Variants in DCBLD1 observed in about 807,000 individuals in gnomAD.
DCBLD1 encodes the protein discoidin, CUB and LCCL domain containing 1.
A neutral mutation model predicts 71.5 loss-of-function variants in DCBLD1; 57 were observed. The ratio of observed to expected loss-of-function variants is 0.80; its 90% CI spans 0.64 to 0.99. The LOEUF is 0.99. Ranked by LOEUF, DCBLD1 falls within the 50% of genes least tolerant of loss-of-function variation. The pLI, the probability that DCBLD1 is intolerant of heterozygous loss-of-function variation, is 0.00. For synonymous variants in DCBLD1, 380 were observed against 363.8 expected, an observed-to-expected ratio of 1.04 and a Z score of -0.51; for missense variants, 891 against 923.5, an observed-to-expected ratio of 0.96 and a Z score of 0.46.
intron 1 of DCBLD1, among the ~76,000 whole-genome samples, chr6:117,488,375 G>A (rs954568302): frequency 2.0e-5 from 3 of 152,162 alleles, no homozygotes; most frequent in Non-Finnish European, 4.4e-5. Context: ...CGGGCAGGGC[G>A]GCTGACTCCT....
chr6:117,545,466 C>A lies in DCBLD1; in HGVS notation c.1496-12C>A. ...TGACATATTCATTTGGTTTATGTTA[C>A]CTTTATTCCAGACTGTTGGAAGCAG... is the stretch of plus-strand genomic sequence containing the variant. On this transcript the variant is annotated splice_polypyrimidine_tract_variant and intron_variant, in intron 13 of 14. Coordinates refer to ENST00000338728, the MANE Select transcript of DCBLD1 (RefSeq NM_001366458.2). The A allele has an allele frequency of 6.2e-7, 1 of 1,612,990 alleles. No homozygotes were observed. The highest frequency in any genetic ancestry group is 8.5e-7 in the Non-Finnish European group (1 of 1,179,494).
intron 14 of DCBLD1, among the ~76,000 whole-genome samples, chr6:117,546,189 C>T (rs1167626075): frequency 6.6e-6 from 1 of 152,070 alleles, no homozygotes; most frequent in African/African-American, 2.4e-5. Flanking sequence ...TTATTAGATT[C>T]AACAGACATA....
intron 14 of DCBLD1, among the ~76,000 whole-genome samples, chr6:117,568,137 C>A (rs1302072388): frequency 1.3e-5 from 2 of 151,804 alleles, no homozygotes; most frequent in Non-Finnish European, 2.9e-5. Context: ...GAGGTTGAGG[C>A]TGCAGTGGTC....
At chr6:117,513,709 A>C (rs1288733530) in intron 2 of DCBLD1, among the ~76,000 whole-genome samples, 2 of 152,226 alleles carry the variant, frequency 1.3e-5, no homozygotes, top group Non-Finnish European at 2.9e-5. Flanking sequence ...AAAACTGTGC[A>C]TCCTATTTTT....
At chr6:117,499,887 G>A (rs918037905) in intron 1 of DCBLD1, among the ~76,000 whole-genome samples, 3 of 152,130 alleles carry the variant, frequency 2.0e-5, no homozygotes, top group African/African-American at 4.8e-5. Flanking sequence ...GTGTGGTAGC[G>A]CATGCCTGTA....
chr6:117,519,815 G>T lies in DCBLD1; in HGVS notation c.326-1G>T. ...GTGCCACAAGTGTGCTTTGTTTTTAGGTCCATACTGTGGAAGTATGACTGT... is the reference window on the plus strand; with the variant it reads ...GTGCCACAAGTGTGCTTTGTTTTTATGTCCATACTGTGGAAGTATGACTGT... On this transcript the variant is annotated splice_acceptor_variant, in intron 2 of 14. Coordinates refer to ENST00000338728, the MANE Select transcript of DCBLD1 (RefSeq NM_001366458.2). LOFTEE classifies it high-confidence loss of function. 1 of 1,610,460 alleles carries T rather than the reference G, an allele frequency of 6.2e-7. No individual in the cohort carries two copies. The highest frequency in any genetic ancestry group is 8.5e-7 in the Non-Finnish European group (1 of 1,176,974).
Position 117,548,792 on chromosome 6 carries a change from T to C in DCBLD1, c.*353T>C. ...AATAATAAAAGTAACTTAAGTTTGCTCTATCAGATTTTAGTTCTGCACAGA... is the reference window on the plus strand; with the variant it reads ...AATAATAAAAGTAACTTAAGTTTGCCCTATCAGATTTTAGTTCTGCACAGA... On this transcript the variant is annotated 3_prime_UTR_variant, in exon 15 of 15. Transcript: ENST00000338728. The C allele has an allele frequency of 9.0e-7, 1 of 1,111,972 alleles. No individual in the cohort carries two copies. Among genetic ancestry groups the C allele is most frequent in the Non-Finnish European group, 1.1e-6 (1 of 909,960 alleles). The allele number at this position is 1,111,972 out of a possible 1,614,324, so 68.9% of individuals were successfully genotyped here. A position where few individuals can be genotyped will look rare whatever the true frequency, so the allele number is the denominator to read the frequency against.
At chr6:117,512,293 A>G (rs1463699527) in intron 2 of DCBLD1, among the ~76,000 whole-genome samples, 4 of 152,164 alleles carry the variant, frequency 2.6e-5, no homozygotes, top group Non-Finnish European at 5.9e-5. Flanking sequence ...TTCATTTATC[A>G]TCTGTCACTG....
In DCBLD1 at chr6:117,482,695, G is replaced by A. The variant is rs1339282027; in HGVS notation, c.-87G>A. The A allele has an allele frequency of 3.2e-5, 35 of 1,090,280 alleles. No individual in the cohort carries two copies. The East Asian group carries it at 1.5e-3, about 45-fold the overall frequency. The allele number at this position is 1,090,280 out of a possible 1,614,324, so 67.5% of individuals were successfully genotyped here. Reference sequence around the variant, plus strand: ...CCCCGTCCCGGCGCCGCGCTCGTCCGCAGAGGAGGCGGCCCGGCCCGGGCA... The same window carrying A: ...CCCCGTCCCGGCGCCGCGCTCGTCCACAGAGGAGGCGGCCCGGCCCGGGCA... On this transcript the variant is annotated 5_prime_UTR_variant, in exon 1 of 15. Transcript: ENST00000338728.
intron 6 of DCBLD1, among the ~76,000 whole-genome samples, chr6:117,534,882 T>G (rs1481228057): frequency 6.6e-6 from 1 of 152,096 alleles, no homozygotes; most frequent in Non-Finnish European, 1.5e-5. Context: ...TCCATATAAT[T>G]ATTTGTACTA....
At chr6:117,489,360 C>T (rs1409390748) in intron 1 of DCBLD1, among the ~76,000 whole-genome samples, 3 of 152,136 alleles carry the variant, frequency 2.0e-5, no homozygotes, top group African/African-American at 7.2e-5. Flanking sequence ...CCCTATGATC[C>T]AATACCTCTC....
Position 117,527,397 on chromosome 6 carries a change from C to T in DCBLD1, c.585+1963C>T, listed in dbSNP as rs375479928. 1.4e-4 allele frequency among the ~76,000 whole-genome samples: 22 copies of T among 152,230 alleles called. 2 individuals carry two copies. The highest frequency in any genetic ancestry group is 7.2e-4 in the Admixed American group (11 of 15,276). On this transcript the variant is annotated intron_variant, in intron 5 of 14. Coordinates refer to ENST00000338728, the MANE Select transcript of DCBLD1 (RefSeq NM_001366458.2). The stretch of plus-strand genomic sequence containing the variant: ...TGCGTTCAGTTGTAGCAAGTCTTTT[C>T]AGAAGAATCTTTGCAAAACCAAAGC...
Position 117,538,742 on chromosome 6 carries a change from C to A in DCBLD1, c.883C>A (p.Gln295Lys). The A allele has an allele frequency of 6.2e-7, 1 of 1,614,064 alleles. No individual in the cohort carries two copies. The highest frequency in any genetic ancestry group is 8.5e-7 in the Non-Finnish European group (1 of 1,179,980). ...WSPGQARLQDQGPSWASGDSS... is the reference protein window; with the variant it reads ...WSPGQARLQDKGPSWASGDSS... ...TCCTGGCCAAGCCCGACTTCAGGAC[C>A]AAGGCCCATCATGGGCTTCGGGCGA... is the stretch of plus-strand genomic sequence containing the variant. Residue 295 changes from glutamine to lysine, a missense_variant, in exon 8 of 15, where the codon CAA becomes AAA. Gln to Lys is a moderately conservative substitution (Grantham distance 53). Coordinates refer to ENST00000338728, the MANE Select transcript of DCBLD1 (RefSeq NM_001366458.2).
intron 1 of DCBLD1, among the ~76,000 whole-genome samples, chr6:117,498,081 T>G (rs1193031792): frequency 6.6e-6 from 1 of 152,254 alleles, no homozygotes; most frequent in African/African-American, 2.4e-5. Flanking sequence ...ATTTCTAATT[T>G]AGATTGTTTC....
chr6:117,540,873 A>G (rs375101516), intron 10 of DCBLD1, 45 bp from the exon 11 acceptor site: 66 of 1,613,738 alleles, frequency 4.1e-5, no homozygotes, highest in Non-Finnish European at 5.3e-5. Flanking sequence ...TTTTTCGCCT[A>G]TCATTGTTAC....
intron 2 of DCBLD1, among the ~76,000 whole-genome samples, chr6:117,515,844 A>G (rs1221289880): frequency 6.6e-6 from 1 of 152,222 alleles, no homozygotes; most frequent in Admixed American, 6.5e-5. Context: ...AAACTGTTGT[A>G]AAAAGAGCAT....
At chr6:117,482,985 G>A (rs1333779388) in intron 1 of DCBLD1, 92 bp downstream of exon 1, 1 of 1,030,628 alleles carries the variant, frequency 9.7e-7, no homozygotes, top group Non-Finnish European at 1.2e-6. Flanking sequence ...CGAGGGCTAC[G>A]GGGCGGGCCG....
At position 117,548,599 on chromosome 6, in the gene DCBLD1, T is replaced by C. The variant is rs1779359617; in HGVS notation, c.*160T>C. On this transcript the variant is annotated 3_prime_UTR_variant, in exon 15 of 15. Coordinates refer to ENST00000338728, the MANE Select transcript of DCBLD1 (RefSeq NM_001366458.2). ...GTAGGATCCTAGAGACAACCTGTCA[T>C]ACTGTTTACAAAATTGTGCAGCTGG... 6.9e-7 allele frequency: 1 copy of C among 1,441,420 alleles called. No individual in the cohort carries two copies. The allele number at this position is 1,441,420 out of a possible 1,614,324, so 89.3% of individuals were successfully genotyped here.
At chr6:117,556,398 C>A (rs547163649) in intron 14 of DCBLD1, among the ~76,000 whole-genome samples, 3 of 152,126 alleles carry the variant, frequency 2.0e-5, no homozygotes, top group African/African-American at 7.2e-5. Flanking sequence ...TAGTCTCCAA[C>A]GTCTATTATT....
Sources: allele counts gnomAD v4.1 joint callset (sites outside exome capture counted in the v4.1 genomes callset), GRCh38; gene constraint gnomAD v4.1.1; transcripts MANE v1.5; gene names NCBI Gene and HGNC (gene_info 2026-07-23, HGNC 2026-07-21).